SWAP70: variants seen among roughly 807,000 people sequenced by gnomAD.
SWAP70 encodes switch-associated protein 70.
In SWAP70, 34 loss-of-function variants were observed where a neutral mutation model predicts 80.2. The observed-to-expected ratio is 0.42, with a 90% CI of 0.32 to 0.56. The LOEUF (loss-of-function observed/expected upper bound fraction) is 0.56, where lower values mean the gene tolerates loss of function less well. Among genes scored for constraint, SWAP70 ranks in the 20% least tolerant of loss-of-function variants. The pLI is 0.09. For missense variants in SWAP70, 578 were observed against 690.7 expected, an observed-to-expected ratio of 0.84 and a Z score of 1.83; for synonymous variants, 239 against 238.5, an observed-to-expected ratio of 1.00 and a Z score of -0.02.
At position 9,670,992 on chromosome 11, in the gene SWAP70, A is replaced by G. The variant is rs184408116; in HGVS notation, c.99+6714A>G. Among the ~76,000 whole-genome samples, 392 of 150,036 alleles carry G rather than the reference A, an allele frequency of 2.6e-3. 3 individuals carry two copies. The highest frequency in any genetic ancestry group is 9.0e-3 in the African/African-American group (368 of 40,968). On this transcript the variant is annotated intron_variant, in intron 1 of 11. Transcript: ENST00000318950. ...CTGGTCTCGAACTCCTGACCTTGTG[A>G]TCCACCCACCTCGGCCTCCCAAAGT...
intron 1 of SWAP70, among the ~76,000 whole-genome samples, chr11:9,691,728 T>G (rs1369692419): frequency 6.6e-6 from 1 of 152,172 alleles, no homozygotes; most frequent in East Asian, 1.9e-4. Context: ...AAAAACAAAT[T>G]TAATATCTGT....
intron 6 of SWAP70, 111 bp from the exon 7 acceptor site, chr11:9,732,418 G>C (rs1421815586): frequency 6.5e-6 from 7 of 1,083,606 alleles, no homozygotes; most frequent in Non-Finnish European, 9.5e-6. Context: ...ATCTACACTG[G>C]GCCTTCTGGC....
In SWAP70 at chr11:9,721,139, T is replaced by C. The variant is rs146059961; in HGVS notation, c.415-3519T>C. On this transcript the variant is annotated intron_variant, in intron 3 of 11. Coordinates refer to ENST00000318950, the MANE Select transcript of SWAP70 (RefSeq NM_015055.4). The stretch of plus-strand genomic sequence containing the variant: ...CGTTCAATCTCTTAATCTTTTTATA[T>C]CTTTCTCTTTTCTGTCCCATTTTCT... 9.0e-3 allele frequency among the ~76,000 whole-genome samples: 1,368 copies of C among 152,296 alleles called. 10 individuals are homozygous for C. The highest frequency in any genetic ancestry group is 0.015 in the African/African-American group (636 of 41,586).
intron 2 of SWAP70, among the ~76,000 whole-genome samples, chr11:9,699,369 C>T (rs1333193326): frequency 1.3e-5 from 2 of 152,104 alleles, no homozygotes; most frequent in African/African-American, 2.4e-5. Flanking sequence ...AAAGCCTCAG[C>T]ACTTTACAGT....
At chr11:9,695,131 A>G (rs965976619) in intron 2 of SWAP70, among the ~76,000 whole-genome samples, 2 of 152,150 alleles carry the variant, frequency 1.3e-5, no homozygotes, top group Non-Finnish European at 2.9e-5. Flanking sequence ...TCTATTAAAA[A>G]TACAAAAATT....
In SWAP70 at chr11:9,735,843, A is replaced by G. The variant is rs539612234; in HGVS notation, c.1081-2370A>G. On this transcript the variant is annotated intron_variant, in intron 7 of 11. Coordinates refer to ENST00000318950, the MANE Select transcript of SWAP70 (RefSeq NM_015055.4). ...TCTTTCAACAGTTTTACTGTGGTGTATGTGGGTGTAGATCTCTTTGTGTTT... is the reference window on the plus strand; with the variant it reads ...TCTTTCAACAGTTTTACTGTGGTGTGTGTGGGTGTAGATCTCTTTGTGTTT... Among the ~76,000 whole-genome samples, 375 of 152,174 alleles carry G rather than the reference A, an allele frequency of 2.5e-3. 1 individual carries two copies. Among genetic ancestry groups the G allele is most frequent in the African/African-American group, 8.7e-3 (361 of 41,524 alleles).
At chr11:9,741,486 A>AG (rs1220088136) in intron 9 of SWAP70, 1 of 152,190 alleles carries the variant, frequency 6.6e-6, no homozygotes, top group Non-Finnish European at 1.5e-5. Context: ...GGAATGTTTG[A>AG]GTGCCATGTG....
Position 9,705,041 on chromosome 11 carries a change from G to A in SWAP70, c.241-8425G>A, listed in dbSNP as rs370152790. ...CACTGGTGATCTGTATACACTTGGT[G>A]ATCTGTATACACTGGTGATCTGTAT... On this transcript the variant is annotated intron_variant, in intron 2 of 11. Transcript: ENST00000318950. Among the ~76,000 whole-genome samples the A allele has an allele frequency of 2.7e-4, 35 of 128,986 alleles. 1 individual carries two copies. In the South Asian group the frequency reaches 8.7e-3, roughly 32 times the overall value. The allele number at this position is 128,986 out of a possible 152,430, so 84.6% of individuals were successfully genotyped here.
chr11:9,697,935 C>T lies in SWAP70; in HGVS notation c.240+3649C>T, dbSNP rs149229402. ...GAGTAGTAAGGACTACAGCTGCGTG[C>T]CACCACACCTGGCTAAGTTTTAACA... On this transcript the variant is annotated intron_variant, in intron 2 of 11. Transcript: ENST00000318950. Among the ~76,000 whole-genome samples, 18 of 152,086 alleles carry T rather than the reference C, an allele frequency of 1.2e-4. No homozygotes were observed. In the Middle Eastern group the frequency reaches 0.01, roughly 86 times the overall value.
intron 3 of SWAP70, chr11:9,720,143 G>T: frequency 1.0e-6 from 1 of 985,204 alleles, no homozygotes; most frequent in Non-Finnish European, 1.2e-6. Flanking sequence ...GTGGAGAATG[G>T]TAATGTTTGT....
Position 9,686,864 on chromosome 11 carries a change from G to A in SWAP70, c.100-7282G>A, listed in dbSNP as rs867912205. ...GTACAATGCGTAGGTTACCTGCCCTGTCCCCCAAACAAATAATTATTCAGC... is the reference window on the plus strand; with the variant it reads ...GTACAATGCGTAGGTTACCTGCCCTATCCCCCAAACAAATAATTATTCAGC... On this transcript the variant is annotated intron_variant, in intron 1 of 11. Transcript: ENST00000318950. 5.9e-5 allele frequency among the ~76,000 whole-genome samples: 9 copies of A among 152,206 alleles called. No homozygotes were observed. In the Middle Eastern group the frequency reaches 0.024, roughly 403 times the overall value.
chr11:9,694,332 T>A, intron 2 of SWAP70, 46 bp downstream of exon 2: 1 of 1,536,830 alleles, frequency 6.5e-7, no homozygotes, highest in Non-Finnish European at 8.8e-7. Flanking sequence ...TTGGTTTGCA[T>A]GTTTCAAGTG....
At chr11:9,680,008 T>TAAGA (rs1180841839) in intron 1 of SWAP70, among the ~76,000 whole-genome samples, 1 of 152,158 alleles carries the variant, frequency 6.6e-6, no homozygotes, top group Non-Finnish European at 1.5e-5. Flanking sequence ...GCTCACAACC[T>TAAGA]TTATATGTGA....
Position 9,728,073 on chromosome 11 carries a change from C to T in SWAP70, c.663C>T (p.Gly221=). ...VLKQGYMMKK[G]HRRKNWTERW... is the part of the protein sequence containing the mutation. Reference sequence around the variant, plus strand: ...CACAGGGTTACATGATGAAAAAGGGCCACAGACGGAAAAACTGGACTGAAA... The same window carrying T: ...CACAGGGTTACATGATGAAAAAGGGTCACAGACGGAAAAACTGGACTGAAA... The change falls in exon 5 of 12, where the codon GGC becomes GGT. Residue 221 remains glycine, a synonymous_variant. Coordinates refer to ENST00000318950, the MANE Select transcript of SWAP70 (RefSeq NM_015055.4). 3 of 1,608,310 alleles carry T rather than the reference C, an allele frequency of 1.9e-6. No homozygotes were observed. Among genetic ancestry groups the T allele is most frequent in the Non-Finnish European group, 2.5e-6 (3 of 1,177,714 alleles).
intron 2 of SWAP70, among the ~76,000 whole-genome samples, chr11:9,700,360 A>C (rs1260504430): frequency 6.6e-6 from 1 of 152,178 alleles, no homozygotes; most frequent in East Asian, 1.9e-4. Flanking sequence ...CCATGGTTTG[A>C]GTTTAAATTG....
chr11:9,719,093 CA>C (rs3049796), intron 3 of SWAP70, among the ~76,000 whole-genome samples: 277 of 95,678 alleles, frequency 2.9e-3, no homozygotes, highest in Admixed American at 5.5e-3. Flanking sequence ...GACACTGAAT[CA>C]AAAAAAAAAA....
At chr11:9,696,648 C>T (rs1850761528) in intron 2 of SWAP70, among the ~76,000 whole-genome samples, 1 of 151,988 alleles carries the variant, frequency 6.6e-6, no homozygotes, top group Non-Finnish European at 1.5e-5. Flanking sequence ...AGGATATAAG[C>T]AACTTATTTT....
intron 1 of SWAP70, among the ~76,000 whole-genome samples, chr11:9,669,312 C>T (rs1335597226): frequency 6.6e-6 from 1 of 152,072 alleles, no homozygotes; most frequent in Admixed American, 6.6e-5. Flanking sequence ...CAGTGGCAAC[C>T]TCCACCTCCC....
At chr11:9,674,152 C>T (rs527293320) in intron 1 of SWAP70, among the ~76,000 whole-genome samples, 3 of 152,202 alleles carry the variant, frequency 2.0e-5, no homozygotes, top group South Asian at 2.1e-4. Context: ...CTGCCCACCT[C>T]GGCCTCCCAA....
Sources: allele counts gnomAD v4.1 joint callset (sites outside exome capture counted in the v4.1 genomes callset), GRCh38; gene constraint gnomAD v4.1.1; transcripts MANE v1.5; gene names NCBI Gene and HGNC (gene_info 2026-07-23, HGNC 2026-07-21).